The following SOX13 variants were observed in gnomAD, a reference collection of about 807,000 sequenced individuals.
SOX13 encodes the protein SRY-box transcription factor 13.
SOX13 carries 28 observed loss-of-function variants against 71.8 expected under a neutral mutation model. The ratio of observed to expected loss-of-function variants is 0.39; its 90% CI spans 0.29 to 0.53. The LOEUF (loss-of-function observed/expected upper bound fraction) is 0.53. SOX13 is among the 20% of genes least tolerant of loss of function. The pLI, the probability that SOX13 is intolerant of heterozygous loss-of-function variation, is 0.70. For synonymous variants in SOX13, 309 were observed against 317.8 expected (o/e 0.97, Z 0.29); for missense variants, 627 against 810.3 (o/e 0.77, Z 2.75).
chr1:204,106,742 C>T lies in SOX13; in HGVS notation c.-1-6173C>T, dbSNP rs1371818071. Among the ~76,000 whole-genome samples, 5 of 152,178 alleles carry T rather than the reference C, an allele frequency of 3.3e-5. No individual in the cohort carries two copies. In the East Asian group the frequency reaches 5.8e-4, roughly 18 times the overall value. ...CTGGTCTCAAACTCCTGACCTCAGG[C>T]GATCTGCCCACCTTGGCTTCCCAAA... On this transcript the variant is annotated intron_variant, in intron 1 of 13. Coordinates refer to ENST00000367204, the MANE Select transcript of SOX13 (RefSeq NM_005686.3).
At chr1:204,094,970 C>T (rs574853131) in intron 1 of SOX13, among the ~76,000 whole-genome samples, 1 of 152,296 alleles carries the variant, frequency 6.6e-6, no homozygotes, top group African/African-American at 2.4e-5. Context: ...TGCCCAGTTC[C>T]TCTTCCTCTT....
intron 1 of SOX13, among the ~76,000 whole-genome samples, chr1:204,074,672 A>G (rs542235449): frequency 5.3e-5 from 8 of 152,312 alleles, no homozygotes; most frequent in African/African-American, 1.9e-4. Flanking sequence ...GGAGAGGACA[A>G]GAGACGTGGG....
intron 1 of SOX13, among the ~76,000 whole-genome samples, chr1:204,110,439 T>A (rs1318006533): frequency 6.6e-6 from 1 of 151,774 alleles, no homozygotes; most frequent in Non-Finnish European, 1.5e-5. Flanking sequence ...GTGTTGAGAT[T>A]ACAGGCATGA....
intron 1 of SOX13, among the ~76,000 whole-genome samples, chr1:204,098,006 G>A (rs1337569922): frequency 6.6e-6 from 1 of 152,010 alleles, no homozygotes; most frequent in African/African-American, 2.4e-5. Context: ...CTACAGGTGT[G>A]TGCCACCACA....
intron 1 of SOX13, among the ~76,000 whole-genome samples, chr1:204,096,238 C>CTTTT (rs1491344524): frequency 6.5e-5 from 4 of 61,242 alleles, no homozygotes; most frequent in South Asian, 5.7e-4. Flanking sequence ...TTCTTTCTTT[C>CTTTT]GTTTTTTTTT....
chr1:204,108,894 T>G (rs1411417633), intron 1 of SOX13, among the ~76,000 whole-genome samples: 1 of 152,216 alleles, frequency 6.6e-6, no homozygotes, highest in Non-Finnish European at 1.5e-5. Context: ...GAGAGGAAGG[T>G]TTTATTTTCA....
intron 7 of SOX13, chr1:204,118,146 G>C (rs1656731494): frequency 6.0e-6 from 1 of 166,508 alleles, no homozygotes; most frequent in African/African-American, 2.4e-5. Flanking sequence ...AATTAGCTGG[G>C]TGTGGTGGTG....
At chr1:204,097,736 A>G (rs1450587365) in intron 1 of SOX13, among the ~76,000 whole-genome samples, 1 of 151,832 alleles carries the variant, frequency 6.6e-6, no homozygotes. Context: ...AAACTTGCTT[A>G]TGAATGAAAA....
At chr1:204,086,270 T>C (rs1044257700) in intron 1 of SOX13, among the ~76,000 whole-genome samples, 10 of 152,186 alleles carry the variant, frequency 6.6e-5, no homozygotes, top group African/African-American at 2.2e-4. Flanking sequence ...ATAACTCAGC[T>C]TTGCACACTC....
intron 2 of SOX13, 59 bp from the exon 3 acceptor site, chr1:204,114,262 T>G (rs879185487): frequency 8.3e-7 from 1 of 1,198,122 alleles, no homozygotes; most frequent in Admixed American, 2.1e-5. Context: ...TGCCCAGCCC[T>G]CCCTGCAGCC....
chr1:204,079,099 C>A (rs1251907715), intron 1 of SOX13, among the ~76,000 whole-genome samples: 1 of 152,006 alleles, frequency 6.6e-6, no homozygotes, highest in Non-Finnish European at 1.5e-5. Context: ...GAGATCGAGA[C>A]CATCCTGGCT....
chr1:204,120,442 G>A (rs78517989), intron 7 of SOX13, among the ~76,000 whole-genome samples: 11,800 of 152,312 alleles, frequency 0.077, 517 homozygotes, highest in East Asian at 0.14. Flanking sequence ...AATTAAGCAA[G>A]CAAGGTCCCT....
At chr1:204,083,158 G>C (rs1203862501) in intron 1 of SOX13, among the ~76,000 whole-genome samples, 1 of 152,188 alleles carries the variant, frequency 6.6e-6, no homozygotes, top group Non-Finnish European at 1.5e-5. Context: ...TGTGTGTGTA[G>C]TGGGGAAGGG....
intron 1 of SOX13, among the ~76,000 whole-genome samples, chr1:204,100,579 C>T (rs1417644221): frequency 6.6e-5 from 10 of 152,252 alleles, no homozygotes; most frequent in African/African-American, 2.4e-4. Flanking sequence ...CAAACAGCCA[C>T]CCATAAATAA....
intron 4 of SOX13, chr1:204,116,030 A>T: frequency 2.1e-6 from 1 of 477,208 alleles, no homozygotes. Context: ...CCACTTACCA[A>T]GATTTTGAAA....
In SOX13 at chr1:204,117,630, C is replaced by A; in HGVS notation, c.698C>A (p.Pro233His). ...NMPYVMIPAF[P>H]PSHQPLPVTP... ...CCTTATGTCATGATCCCAGCCTTCC[C>A]CCCAAGCCACCAACCTCTGCCTGTC... The change falls in exon 7 of 14, where the codon CCC becomes CAC. Residue 233 changes from proline to histidine, a missense_variant. Physicochemically the swap from Pro to His is moderately conservative, Grantham distance 77. Transcript: ENST00000367204. 6.2e-7 allele frequency: 1 copy of A among 1,613,646 alleles called. No individual in the cohort carries two copies. The highest frequency in any genetic ancestry group is 8.5e-7 in the Non-Finnish European group (1 of 1,179,776).
intron 1 of SOX13, among the ~76,000 whole-genome samples, chr1:204,100,551 C>T (rs192336491): frequency 1.1e-4 from 17 of 152,088 alleles, no homozygotes; most frequent in Middle Eastern, 3.4e-3. Flanking sequence ...ATTGAAAAGG[C>T]GCCAAAGCCA....
chr1:204,109,012 C>G (rs1012515668), intron 1 of SOX13, among the ~76,000 whole-genome samples: 1 of 152,250 alleles, frequency 6.6e-6, no homozygotes, highest in African/African-American at 2.4e-5. Flanking sequence ...TCCCACTTCT[C>G]GCCCCCCTGC....
In SOX13 at chr1:204,116,635, A is replaced by AAGC. The variant is rs746318457; in HGVS notation, c.559_561dup (p.Gln187dup). On this transcript the variant is annotated inframe_insertion, in exon 5 of 14. Transcript: ENST00000367204. ...GAACATGGCTGCCATGCTGTTTGAG[A>AAGC]AGCAGCAGCAGCAGATGGAGCTTGC... 3.7e-6 allele frequency: 6 copies of AAGC among 1,613,810 alleles called. No individual in the cohort carries two copies. Among genetic ancestry groups the AAGC allele is most frequent in the Non-Finnish European group, 5.1e-6 (6 of 1,179,844 alleles).
Sources: gnomAD v4.1 joint callset for allele counts (sites outside exome capture counted in the v4.1 genomes callset) on GRCh38, gnomAD v4.1.1 for gene constraint, MANE v1.5 for transcripts, NCBI Gene and HGNC (gene_info 2026-07-23, HGNC 2026-07-21) for gene names.